The following C4orf36 variants were observed in gnomAD, a reference collection of about 807,000 sequenced individuals.
The protein encoded by C4orf36 is chromosome 4 open reading frame 36.
C4orf36 carries 11 observed loss-of-function variants against 12.2 expected under a neutral mutation model. The ratio of observed to expected loss-of-function variants is 0.90; its 90% confidence interval spans 0.57 to 1.49. The LOEUF (loss-of-function observed/expected upper bound fraction) is 1.49, where lower values mean the gene tolerates loss of function less well. C4orf36 is among the 40% of genes most tolerant of loss of function. The pLI is 0.00. For missense variants in C4orf36, 137 were observed against 133.9 expected (o/e 1.02, Z -0.11); for synonymous variants, 54 against 51.3 (o/e 1.05, Z -0.22).
chr4:86,882,674 T>A (rs187913179), intron 4 of C4orf36, among the ~76,000 whole-genome samples: 2 of 152,330 alleles, frequency 1.3e-5, no homozygotes, highest in Admixed American at 1.3e-4. Context: ...GCTCATGAAC[T>A]GTGTCTGTGC....
At chr4:86,918,110 CTTT>C in the C4orf36 span, among the ~76,000 whole-genome samples, 1 of 152,090 alleles carries the variant, frequency 6.6e-6, no homozygotes, top group East Asian at 1.9e-4. Flanking sequence ...TCTCTCAGTC[CTTT>C]TTTTATTTTT....
chr4:86,913,669 T>C, the C4orf36 span: 6 of 1,600,484 alleles, frequency 3.7e-6, no homozygotes, highest in African/African-American at 1.3e-5. Context: ...GCAACAGACA[T>C]GGTGCTGTTG....
In C4orf36 at chr4:86,876,427, A is replaced by G; in HGVS notation, c.*19T>C. Reference sequence around the variant, plus strand: ...CCGGCGCTGCTGAGTTTCTTCATCTACAATCCGCGCTTCAGGCTGCGCAAA... The same window carrying G: ...CCGGCGCTGCTGAGTTTCTTCATCTGCAATCCGCGCTTCAGGCTGCGCAAA... On this transcript the variant is annotated 3_prime_UTR_variant, in exon 5 of 5. Coordinates refer to ENST00000295898, the MANE Select transcript of C4orf36 (RefSeq NM_144645.4). 2 of 1,613,256 alleles carry G rather than the reference A, an allele frequency of 1.2e-6. No homozygotes were observed. The highest frequency in any genetic ancestry group is 1.1e-5 in the South Asian group (1 of 91,048).
At chr4:86,916,179 G>A in the C4orf36 span, among the ~76,000 whole-genome samples, 1 of 152,062 alleles carries the variant, frequency 6.6e-6, no homozygotes, top group Non-Finnish European at 1.5e-5. Flanking sequence ...TTGGTTGGAT[G>A]GTCAAGAAAG....
At chr4:86,886,692 G>T (rs1438622247) in intron 4 of C4orf36, 1 of 152,200 alleles carries the variant, frequency 6.6e-6, no homozygotes, top group Non-Finnish European at 1.5e-5. Flanking sequence ...AACCATTGTG[G>T]AAGACAGTGT....
the C4orf36 span, chr4:86,913,361 C>A: frequency 3.6e-6 from 3 of 826,622 alleles, no homozygotes; most frequent in Admixed American, 1.8e-5. Flanking sequence ...TGCTTGCCCA[C>A]CTCATAAATA....
the C4orf36 span, chr4:86,934,906 G>A: frequency 6.6e-6 from 1 of 152,126 alleles, no homozygotes; most frequent in Admixed American, 6.5e-5. Context: ...GCGCGGGCCG[G>A]GGCGGAACCC....
At chr4:86,912,377 G>A in the C4orf36 span, among the ~76,000 whole-genome samples, 1 of 152,290 alleles carries the variant, frequency 6.6e-6, no homozygotes, top group African/African-American at 2.4e-5. Flanking sequence ...ACTCAAAAAT[G>A]TTAAGGAACC....
intron 4 of C4orf36, 104 bp downstream of exon 4, chr4:86,887,654 T>A: frequency 8.3e-7 from 1 of 1,201,610 alleles, no homozygotes; most frequent in Non-Finnish European, 1.2e-6. Flanking sequence ...CATCCACCAG[T>A]GGGCATTCAA....
the C4orf36 span, chr4:86,933,052 G>A: frequency 6.6e-6 from 1 of 152,102 alleles, no homozygotes; most frequent in Non-Finnish European, 1.5e-5. Flanking sequence ...ATTTTTTAAA[G>A]TAGATATAGT....
chr4:86,927,332 C>A, the C4orf36 span, among the ~76,000 whole-genome samples: 1 of 151,888 alleles, frequency 6.6e-6, no homozygotes, highest in African/African-American at 2.4e-5. Context: ...TAGCAAGATC[C>A]AGTCATGTGT....
chr4:86,907,917 G>A, the C4orf36 span, among the ~76,000 whole-genome samples: 3 of 150,536 alleles, frequency 2.0e-5, no homozygotes, highest in African/African-American at 2.5e-5. Flanking sequence ...GCAGTGAGCC[G>A]AGATCATGCC....
the C4orf36 span, among the ~76,000 whole-genome samples, chr4:86,919,243 T>A: frequency 2.6e-5 from 4 of 152,094 alleles, no homozygotes; most frequent in East Asian, 7.7e-4. Context: ...CTTGAACTCT[T>A]GAACACACTT....
At chr4:86,909,428 A>G in the C4orf36 span, among the ~76,000 whole-genome samples, 1 of 152,214 alleles carries the variant, frequency 6.6e-6, no homozygotes, top group Non-Finnish European at 1.5e-5. Context: ...AACCGGCTGC[A>G]GGAAGGTAGA....
the C4orf36 span, among the ~76,000 whole-genome samples, chr4:86,897,559 T>G: frequency 6.6e-6 from 1 of 152,158 alleles, no homozygotes; most frequent in African/African-American, 2.4e-5. Flanking sequence ...ACAAAAACAT[T>G]CATCCACTCA....
At chr4:86,892,922 T>C (rs1560475105), upstream of C4orf36, among the ~76,000 whole-genome samples, 1 of 152,216 alleles carries the variant, frequency 6.6e-6, no homozygotes, top group Non-Finnish European at 1.5e-5. Flanking sequence ...CGAGCTTACA[T>C]TTCCATTTTG....
intron 4 of C4orf36, among the ~76,000 whole-genome samples, chr4:86,884,034 T>G (rs2149420488): frequency 6.6e-6 from 1 of 152,194 alleles, no homozygotes; most frequent in East Asian, 1.9e-4. Context: ...AAATGCCTAC[T>G]GAATCATCTA....
chr4:86,930,664 T>C, the C4orf36 span, among the ~76,000 whole-genome samples: 1 of 152,214 alleles, frequency 6.6e-6, no homozygotes, highest in Admixed American at 6.5e-5. Flanking sequence ...ACTTTAAATG[T>C]GAAATCAGTT....
At chr4:86,931,200 C>A in the C4orf36 span, among the ~76,000 whole-genome samples, 1 of 152,052 alleles carries the variant, frequency 6.6e-6, no homozygotes, top group African/African-American at 2.4e-5. Context: ...CATATCACTG[C>A]CCCCCTCATA....
Sources: allele counts gnomAD v4.1 joint callset (sites outside exome capture counted in the v4.1 genomes callset), GRCh38; gene constraint gnomAD v4.1.1; transcripts MANE v1.5; gene names NCBI Gene and HGNC (gene_info 2026-07-23, HGNC 2026-07-21).